The following FOXK1 variants were observed in gnomAD, a reference collection of about 807,000 sequenced individuals.
FOXK1 encodes the protein forkhead box protein K1.
A neutral mutation model predicts 51.9 loss-of-function variants in FOXK1; 19 were observed. That is an observed-to-expected ratio of 0.37 (90% CI 0.26 to 0.54). FOXK1 has a LOEUF of 0.54. FOXK1 is among the 20% of genes least tolerant of loss of function. The pLI is 0.87. For missense variants in FOXK1, 870 were observed against 1,032.7 expected, an observed-to-expected ratio of 0.84 and a Z score of 2.16; for synonymous variants, 537 against 482.6, an observed-to-expected ratio of 1.11 and a Z score of -1.48.
At position 4,729,137 on chromosome 7, in the gene FOXK1, C is replaced by T. The variant is rs1275575878; in HGVS notation, c.561-11701C>T. Reference sequence around the variant, plus strand: ...TCTTAAAGAGCCTAGTCCATCTTTACGCGGTCTTTTTACGTCTGTTTAAGC... The same window carrying T: ...TCTTAAAGAGCCTAGTCCATCTTTATGCGGTCTTTTTACGTCTGTTTAAGC... On this transcript the variant is annotated intron_variant, in intron 1 of 8. Transcript: ENST00000328914. The surrounding 1 kb of genome is among the most constrained non-coding windows in gnomAD (Gnocchi z 6.2). Among the ~76,000 whole-genome samples, 1 of 152,204 alleles carries T rather than the reference C, an allele frequency of 6.6e-6. No individual in the cohort carries two copies. The highest frequency in any genetic ancestry group is 1.9e-4 in the East Asian group (1 of 5,196).
Position 4,711,382 on chromosome 7 carries a change from G to A in FOXK1, c.560+28514G>A, listed in dbSNP as rs1583190173. On this transcript the variant is annotated intron_variant, in intron 1 of 8. Coordinates refer to ENST00000328914, the MANE Select transcript of FOXK1 (RefSeq NM_001037165.2). The surrounding 1 kb of genome is among the most constrained non-coding windows in gnomAD (Gnocchi z 6.3). ...CTGTGAGAGGGTGTGGCAGTCCGGGGGTGGGTCCCAGCCAGCCGCCAGCTC... is the reference window on the plus strand; with the variant it reads ...CTGTGAGAGGGTGTGGCAGTCCGGGAGTGGGTCCCAGCCAGCCGCCAGCTC... Among the ~76,000 whole-genome samples the A allele has an allele frequency of 6.6e-6, 1 of 152,164 alleles. No homozygotes were observed. The highest frequency in any genetic ancestry group is 2.4e-5 in the African/African-American group (1 of 41,442).
chr7:4,713,259 G>A (rs1304544032), intron 1 of FOXK1, among the ~76,000 whole-genome samples: 2 of 151,510 alleles, frequency 1.3e-5, no homozygotes, highest in East Asian at 1.9e-4. Context: ...TGTACTGATC[G>A]TAACAGTGCT....
rs1780753662 is a variant in FOXK1 at position 4,749,947 on chromosome 7, CT to C, written c.747-4511del. On this transcript the variant is annotated intron_variant, in intron 2 of 8. Transcript: ENST00000328914. This position sits in a 1 kb window ranked among gnomAD's most constrained non-coding sequence, Gnocchi z 6.0. ...TGCAGTCTCCCTGCACTGGCATGTC[CT>C]GGGTGGTCCCAGTGGCACCTTCTAG... is the stretch of plus-strand genomic sequence containing the variant. Among the ~76,000 whole-genome samples the C allele has an allele frequency of 6.6e-6, 1 of 152,248 alleles. No individual in the cohort carries two copies. Among genetic ancestry groups the C allele is most frequent in the Admixed American group, 6.5e-5 (1 of 15,284 alleles).
rs1299046624 is a variant in FOXK1, at chr7:4,758,666, C to G, written c.1245-385C>G. Reference sequence around the variant, plus strand: ...CCAAATGACGTTCAAACACCCCTCTCGGGTAGAGTTTTCATGGTGGAACGG... The same window carrying G: ...CCAAATGACGTTCAAACACCCCTCTGGGGTAGAGTTTTCATGGTGGAACGG... On this transcript the variant is annotated intron_variant, in intron 5 of 8. Coordinates refer to ENST00000328914, the MANE Select transcript of FOXK1 (RefSeq NM_001037165.2). The surrounding 1 kb of genome is among the most constrained non-coding windows in gnomAD (Gnocchi z 4.4). The G allele has an allele frequency of 4.6e-6, 1 of 219,396 alleles. No individual in the cohort carries two copies. Among genetic ancestry groups the G allele is most frequent in the Non-Finnish European group, 8.9e-6 (1 of 112,152 alleles). 13.6% of individuals were successfully genotyped at this position (219,396 alleles called of 1,614,324 possible). A position where few individuals can be genotyped will look rare whatever the true frequency, so the allele number is the denominator to read the frequency against.
In FOXK1 at chr7:4,758,477, T is replaced by G. The variant is rs892209387; in HGVS notation, c.1245-574T>G. On this transcript the variant is annotated intron_variant, in intron 5 of 8. Transcript: ENST00000328914. The surrounding 1 kb of genome is among the most constrained non-coding windows in gnomAD (Gnocchi z 4.4). ...CACGTTAACCTCTCGTGCTTCCCAT[T>G]TCAAAATTCTGTTTCCAACACGATT... 1.3e-5 allele frequency: 2 copies of G among 152,474 alleles called. No homozygotes were observed. Among genetic ancestry groups the G allele is most frequent in the African/African-American group, 4.8e-5 (2 of 41,466 alleles). The allele number at this position is 152,474 out of a possible 1,614,324, so 9.4% of individuals were successfully genotyped here.
intron 1 of FOXK1, among the ~76,000 whole-genome samples, chr7:4,727,890 G>A (rs1019872313): frequency 1.3e-5 from 2 of 152,234 alleles, no homozygotes; most frequent in Admixed American, 1.3e-4. Context: ...ATTGGTGCTT[G>A]GACACCCGTC....
At chr7:4,757,544 C>G (rs1378630025) in intron 5 of FOXK1, among the ~76,000 whole-genome samples, 1 of 141,444 alleles carries the variant, frequency 7.1e-6, no homozygotes, top group Non-Finnish European at 1.5e-5. Context: ...GTAGGAGAAT[C>G]GCTTGAATCT....
At chr7:4,694,236 T>C (rs1307336645) in intron 1 of FOXK1, among the ~76,000 whole-genome samples, 1 of 152,194 alleles carries the variant, frequency 6.6e-6, no homozygotes, top group Non-Finnish European at 1.5e-5. Context: ...CATGAAACTT[T>C]TCTAGGTTTT....
At position 4,770,739 on chromosome 7, in the gene FOXK1, C is replaced by T. The variant is rs368848767; in HGVS notation, c.*8275C>T. 3.0e-4 allele frequency: 45 copies of T among 152,104 alleles called. 1 individual carries two copies. The highest frequency in any genetic ancestry group is 9.9e-4 in the African/African-American group (41 of 41,472). The allele number at this position is 152,104 out of a possible 1,614,324, so 9.4% of individuals were successfully genotyped here. ...TGGGCTGCACGTGCCCTGCAGATGA[C>T]AAAGGCCGGCAGCTCAGCACACGTG... On this transcript the variant is annotated 3_prime_UTR_variant, in exon 9 of 9. Coordinates refer to ENST00000328914, the MANE Select transcript of FOXK1 (RefSeq NM_001037165.2).
chr7:4,716,116 G>A (rs947488792), intron 1 of FOXK1, among the ~76,000 whole-genome samples: 1 of 152,102 alleles, frequency 6.6e-6, no homozygotes, highest in East Asian at 1.9e-4. Flanking sequence ...AGCTACCTGG[G>A]AGGCTGAGGC....
Position 4,692,609 on chromosome 7 carries a change from G to A in FOXK1, c.560+9741G>A, listed in dbSNP as rs374739332. Among the ~76,000 whole-genome samples the A allele has an allele frequency of 2.4e-4, 37 of 152,142 alleles. No homozygotes were observed. In the East Asian group the frequency reaches 5.8e-3, roughly 24 times the overall value. On this transcript the variant is annotated intron_variant, in intron 1 of 8. Coordinates refer to ENST00000328914, the MANE Select transcript of FOXK1 (RefSeq NM_001037165.2). ...CAGGGTTTCATCATGTAAGCCAGCT[G>A]GTCTCGAACTCCTAACCTCAGGTCA...
intron 2 of FOXK1, among the ~76,000 whole-genome samples, chr7:4,754,107 C>G (rs993043964): frequency 6.6e-6 from 1 of 152,200 alleles, no homozygotes; most frequent in African/African-American, 2.4e-5. Context: ...GCGGAGGCTA[C>G]CTGCTCCGGG....
Position 4,682,656 on chromosome 7 carries a change from C to T in FOXK1, c.348C>T (p.Phe116=), listed in dbSNP as rs1779766606. The change falls in exon 1 of 9, where the codon TTC becomes TTT. Residue 116 remains phenylalanine (F), a synonymous_variant. Transcript: ENST00000328914. The surrounding 1 kb of genome is among the most constrained non-coding windows in gnomAD (Gnocchi z 7.6). ...LARLEGREFE[F]LMRQPSVTIG... is the part of the protein sequence containing the mutation. ...GGCTGGAGGGCCGCGAGTTCGAGTT[C>T]CTCATGCGCCAGCCCAGCGTCACCA... The T allele has an allele frequency of 7.6e-6, 12 of 1,575,536 alleles. No homozygotes were observed. Among genetic ancestry groups the T allele is most frequent in the African/African-American group, 1.4e-5 (1 of 72,634 alleles).
At chr7:4,704,586 G>A (rs1340690489) in intron 1 of FOXK1, among the ~76,000 whole-genome samples, 1 of 152,022 alleles carries the variant, frequency 6.6e-6, no homozygotes, top group Non-Finnish European at 1.5e-5. Flanking sequence ...TCCCTATTTC[G>A]GAACTGGATA....
rs950162394 is a variant in FOXK1, at chr7:4,757,525, G to A, written c.1244+338G>A. Among the ~76,000 whole-genome samples the A allele has an allele frequency of 5.1e-4, 77 of 150,964 alleles. 1 individual carries two copies. Among genetic ancestry groups the A allele is most frequent in the African/African-American group, 1.8e-3 (76 of 41,138 alleles). On this transcript the variant is annotated intron_variant, in intron 5 of 8. Coordinates refer to ENST00000328914, the MANE Select transcript of FOXK1 (RefSeq NM_001037165.2). ...GGTGCCTGTAATTCCAGCTACTGGGGAGGCTGAGGTAGGAGAATCGCTTGA... is the reference window on the plus strand; with the variant it reads ...GGTGCCTGTAATTCCAGCTACTGGGAAGGCTGAGGTAGGAGAATCGCTTGA...
chr7:4,762,123 TG>T lies in FOXK1; in HGVS notation c.1922-60del. On this transcript the variant is annotated intron_variant, in intron 8 of 8. Transcript: ENST00000328914. The surrounding 1 kb of genome is among the most constrained non-coding windows in gnomAD (Gnocchi z 5.7). The stretch of plus-strand genomic sequence containing the variant: ...TGGCTTAGCCCCTGTATAGGGGACT[TG>T]AAAAAAGCAGCTGGGTCCTAACCAG... 6.7e-7 allele frequency: 1 copy of T among 1,501,338 alleles called. No homozygotes were observed. Among genetic ancestry groups the T allele is most frequent in the Non-Finnish European group, 9.0e-7 (1 of 1,117,074 alleles). 93.0% of individuals were successfully genotyped at this position (1,501,338 alleles called of 1,614,324 possible).
At position 4,762,584 on chromosome 7, in the gene FOXK1, C is replaced by G; in HGVS notation, c.*120C>G. The G allele has an allele frequency of 1.0e-6, 1 of 980,108 alleles. No homozygotes were observed. The highest frequency in any genetic ancestry group is 1.5e-6 in the Non-Finnish European group (1 of 680,794). 60.7% of individuals were successfully genotyped at this position (980,108 alleles called of 1,614,324 possible). A position where few individuals can be genotyped will look rare whatever the true frequency, so the allele number is the denominator to read the frequency against. ...ACAGCCCGCGGCGGCCTGTGGGCAT[C>G]GGCGGCACCTGGACACACCCAGCCC... On this transcript the variant is annotated 3_prime_UTR_variant, in exon 9 of 9. Coordinates refer to ENST00000328914, the MANE Select transcript of FOXK1 (RefSeq NM_001037165.2). The surrounding 1 kb of genome is among the most constrained non-coding windows in gnomAD (Gnocchi z 5.7).
In FOXK1 at chr7:4,682,314, C is replaced by T. The variant is rs1242359434; in HGVS notation, c.6C>T (p.Ala2=). The T allele has an allele frequency of 5.0e-6, 5 of 991,754 alleles. No individual in the cohort carries two copies. In the African/African-American group the frequency reaches 7.0e-5, roughly 14 times the overall value. The allele number at this position is 991,754 out of a possible 1,614,324, so 61.4% of individuals were successfully genotyped here. A position where few individuals can be genotyped will look rare whatever the true frequency, so the allele number is the denominator to read the frequency against. The change falls in exon 1 of 9, where the codon GCC becomes GCT. Residue 2 remains alanine, a synonymous_variant. Transcript: ENST00000328914. This position sits in a 1 kb window ranked among gnomAD's most constrained non-coding sequence, Gnocchi z 7.6. ...CCGCTCGGAGCCGCGCGAACATGGC[C>T]GAAGTCGGCGAGGACAGCGGCGCCC... M[A]EVGEDSGARA...
At chr7:4,759,255 G>A (rs1218831662) in intron 6 of FOXK1, 38 bp downstream of exon 6, 5 of 1,608,250 alleles carry the variant, frequency 3.1e-6, no homozygotes, top group Non-Finnish European at 4.2e-6. Context: ...GCGGGGCGGG[G>A]CGGGACTCGT....
Sources: gnomAD v4.1 joint callset for allele counts (sites outside exome capture counted in the v4.1 genomes callset) on GRCh38, gnomAD v4.1.1 for gene constraint, Gnocchi (gnomAD v3.1) non-coding constraint, MANE v1.5 for transcripts, NCBI Gene and HGNC (gene_info 2026-07-23, HGNC 2026-07-21) for gene names.